LDAH: variants seen among roughly 807,000 people sequenced by gnomAD.
The protein encoded by LDAH is lipid droplet-associated hydrolase.
In LDAH, 26 loss-of-function variants were observed where a neutral mutation model predicts 29.6. That is an observed-to-expected ratio of 0.88 (90% CI 0.64 to 1.22). The LOEUF is 1.22. Among genes scored for constraint, LDAH ranks in the 50% most tolerant of loss-of-function variants. The pLI is 0.00. For synonymous variants in LDAH, 117 were observed against 133.0 expected (o/e 0.88, Z 0.83); for missense variants, 344 against 387.3 (o/e 0.89, Z 0.94).
In LDAH at chr2:20,687,048, T is replaced by C; in HGVS notation, c.833A>G (p.Tyr278Cys). The change falls in exon 7 of 7, where the codon TAC becomes TGC. Residue 278 changes from tyrosine (Y) to cysteine (C), a missense_variant. Coordinates refer to ENST00000237822, the MANE Select transcript of LDAH (RefSeq NM_021925.4). ...GTIDPWCPKE[Y>C]YEDIKKDFPE... is the part of the protein sequence containing the mutation. ...AAAATCCTTCTTAATGTCTTCATAG[T>C]ACTCTTTTGGACACCAAGGATCTAT... 1 of 1,614,112 alleles carries C rather than the reference T, an allele frequency of 6.2e-7. No homozygotes were observed. Among genetic ancestry groups the C allele is most frequent in the Non-Finnish European group, 8.5e-7 (1 of 1,179,964 alleles).
At chr2:20,809,958 T>C (rs1672360160) in intron 1 of LDAH, among the ~76,000 whole-genome samples, 1 of 152,234 alleles carries the variant, frequency 6.6e-6, no homozygotes, top group Non-Finnish European at 1.5e-5. Context: ...TTACCATACT[T>C]AAGAAAATAA....
rs146404557 is a variant in LDAH, at chr2:20,722,941, T to C, written c.703+17030A>G. 1.2e-4 allele frequency among the ~76,000 whole-genome samples: 18 copies of C among 152,312 alleles called. No homozygotes were observed. In the East Asian group the frequency reaches 3.3e-3, roughly 28 times the overall value. ...CAACCACTTTGGAAACCATTTAGTA[T>C]TGTCTTCTGAAGCTAAACATATGCA... On this transcript the variant is annotated intron_variant, in intron 5 of 6. Coordinates refer to ENST00000237822, the MANE Select transcript of LDAH (RefSeq NM_021925.4).
At chr2:20,810,467 C>T (rs546418272) in intron 1 of LDAH, among the ~76,000 whole-genome samples, 27 of 152,276 alleles carry the variant, frequency 1.8e-4, no homozygotes, top group African/African-American at 6.3e-4. Context: ...GTTCTTTGTA[C>T]AATATGACTG....
chr2:20,757,966 T>C (rs116394666), intron 4 of LDAH, among the ~76,000 whole-genome samples: 3,805 of 152,278 alleles, frequency 0.025, 130 homozygotes, highest in African/African-American at 0.082. Context: ...ACTACAGATC[T>C]TGGGATTTGT....
intron 5 of LDAH, among the ~76,000 whole-genome samples, chr2:20,723,566 T>C (rs1233485496): frequency 6.6e-6 from 1 of 152,232 alleles, no homozygotes; most frequent in Non-Finnish European, 1.5e-5. Flanking sequence ...TTCCTACCCT[T>C]ATTTATTTCT....
chr2:20,798,562 ATAAT>A (rs1019014260), intron 2 of LDAH, among the ~76,000 whole-genome samples: 1 of 147,186 alleles, frequency 6.8e-6, no homozygotes, highest in African/African-American at 2.5e-5. Flanking sequence ...TATGTATAAT[ATAAT>A]TAATATAATA....
intron 5 of LDAH, among the ~76,000 whole-genome samples, chr2:20,732,291 T>C (rs1338971207): frequency 1.3e-5 from 2 of 152,180 alleles, no homozygotes; most frequent in Non-Finnish European, 2.9e-5. Flanking sequence ...TGTTTGCTAA[T>C]ATTTTATTAG....
intron 5 of LDAH, among the ~76,000 whole-genome samples, chr2:20,723,309 T>C (rs1331631141): frequency 1.3e-5 from 2 of 152,000 alleles, no homozygotes. Context: ...TTTGGGAAAA[T>C]GGAGTAAGTG....
chr2:20,792,870 G>A (rs897071842), intron 2 of LDAH, among the ~76,000 whole-genome samples: 2 of 152,132 alleles, frequency 1.3e-5, no homozygotes, highest in Admixed American at 6.6e-5. Context: ...GTATACCTAT[G>A]TAACAAACGT....
At chr2:20,687,235 G>T in intron 6 of LDAH, 141 bp from the exon 7 acceptor site, 1 of 620,716 alleles carries the variant, frequency 1.6e-6, no homozygotes. Flanking sequence ...TCCAGAGTGT[G>T]GCTCTCTCAA....
intron 5 of LDAH, among the ~76,000 whole-genome samples, chr2:20,718,509 A>T (rs1665410286): frequency 6.6e-6 from 1 of 152,190 alleles, no homozygotes; most frequent in Non-Finnish European, 1.5e-5. Context: ...ACACCCAAAT[A>T]TACAAAACAA....
Position 20,686,773 on chromosome 2 carries a change from G to T in LDAH, c.*130C>A, listed in dbSNP as rs1306741661. Reference sequence around the variant, plus strand: ...CTATAACATGGCGAGCGGAGAGTTGGTTTGTAAGACAAAGGTTCTCACTTT... The same window carrying T: ...CTATAACATGGCGAGCGGAGAGTTGTTTTGTAAGACAAAGGTTCTCACTTT... On this transcript the variant is annotated 3_prime_UTR_variant, in exon 7 of 7. Coordinates refer to ENST00000237822, the MANE Select transcript of LDAH (RefSeq NM_021925.4). 1 of 814,024 alleles carries T rather than the reference G, an allele frequency of 1.2e-6. No homozygotes were observed. The highest frequency in any genetic ancestry group is 1.9e-6 in the Non-Finnish European group (1 of 519,920). The allele number at this position is 814,024 out of a possible 1,614,324, so 50.4% of individuals were successfully genotyped here. A position where few individuals can be genotyped will look rare whatever the true frequency, so the allele number is the denominator to read the frequency against.
chr2:20,724,163 G>A lies in LDAH; in HGVS notation c.703+15808C>T, dbSNP rs537918800. On this transcript the variant is annotated intron_variant, in intron 5 of 6. Coordinates refer to ENST00000237822, the MANE Select transcript of LDAH (RefSeq NM_021925.4). ...AGGCTGCCTTCTAATTGCCTATCCT[G>A]GTGCCATTTTGTCTGTCTGGAAAAA... is the stretch of plus-strand genomic sequence containing the variant. Among the ~76,000 whole-genome samples, 12 of 152,218 alleles carry A rather than the reference G, an allele frequency of 7.9e-5. 1 individual carries two copies. The highest frequency in any genetic ancestry group is 2.9e-4 in the African/African-American group (12 of 41,536).
intron 4 of LDAH, among the ~76,000 whole-genome samples, chr2:20,755,129 T>TTGTGTGTGTG (rs70939051): frequency 5.7e-4 from 67 of 118,294 alleles, no homozygotes; most frequent in African/African-American, 2.3e-3. Flanking sequence ...GTGTCTGTGT[T>TTGTGTGTGTG]TGTGTGTGTG....
intron 5 of LDAH, among the ~76,000 whole-genome samples, chr2:20,703,770 T>G (rs1419574164): frequency 6.6e-6 from 1 of 152,226 alleles, no homozygotes; most frequent in Admixed American, 6.5e-5. Context: ...CACTGCCTTC[T>G]TGGGTTGTTC....
At chr2:20,806,445 T>C (rs1425568466) in intron 1 of LDAH, among the ~76,000 whole-genome samples, 1 of 152,156 alleles carries the variant, frequency 6.6e-6, no homozygotes, top group Non-Finnish European at 1.5e-5. Flanking sequence ...ATATGGTGAC[T>C]GGTCAAGTGC....
At chr2:20,764,560 ACT>A (rs781620039) in intron 4 of LDAH, among the ~76,000 whole-genome samples, 10 of 152,068 alleles carry the variant, frequency 6.6e-5, no homozygotes, top group Non-Finnish European at 1.5e-4. Context: ...GCTCCAGAAC[ACT>A]CACACATGCT....
chr2:20,813,014 T>TA (rs1374310687), intron 1 of LDAH, among the ~76,000 whole-genome samples: 1 of 152,208 alleles, frequency 6.6e-6, no homozygotes, highest in Non-Finnish European at 1.5e-5. Context: ...TAGTAAGTTG[T>TA]AAAGTGGCAG....
At chr2:20,697,669 T>TA (rs1663591169) in intron 6 of LDAH, among the ~76,000 whole-genome samples, 1 of 152,210 alleles carries the variant, frequency 6.6e-6, no homozygotes, top group Non-Finnish European at 1.5e-5. Flanking sequence ...GGCCAGTGCC[T>TA]AAGCCACAAC....
Sources: allele counts gnomAD v4.1 joint callset (sites outside exome capture counted in the v4.1 genomes callset), GRCh38; gene constraint gnomAD v4.1.1; transcripts MANE v1.5; gene names NCBI Gene and HGNC (gene_info 2026-07-23, HGNC 2026-07-21).